The following IFT88 variants were observed in gnomAD, a reference collection of about 807,000 sequenced individuals.
IFT88 encodes the protein intraflagellar transport protein 88 homolog.
IFT88 carries 74 observed loss-of-function variants against 119.5 expected under a neutral mutation model. That is an observed-to-expected ratio of 0.62 (90% CI 0.51 to 0.75). The LOEUF is 0.75. Among genes scored for constraint, IFT88 ranks in the 30% least tolerant of loss-of-function variants. The probability of loss-of-function intolerance (pLI) is 0.00; values close to 1 mark genes in which losing one functional copy is unlikely to be tolerated. For synonymous variants in IFT88, 279 were observed against 316.7 expected, an observed-to-expected ratio of 0.88 and a Z score of 1.26; for missense variants, 961 against 977.7, an observed-to-expected ratio of 0.98 and a Z score of 0.23.
Position 20,665,186 on chromosome 13 carries a change from A to G in IFT88, c.2175+1582A>G, listed in dbSNP as rs909132619. Among the ~76,000 whole-genome samples the G allele has an allele frequency of 2.6e-5, 4 of 152,358 alleles. No individual in the cohort carries two copies. The East Asian group carries it at 7.7e-4, about 29-fold the overall frequency. On this transcript the variant is annotated intron_variant, in intron 23 of 25. Transcript: ENST00000351808. ...CTAAATTTTCAGACTATTCAAATAC[A>G]GAAATGCTGTTTCAATATTTGCCAG...
chr13:20,686,000 A>G (rs1209344629), intron 24 of IFT88, among the ~76,000 whole-genome samples: 1 of 152,188 alleles, frequency 6.6e-6, no homozygotes, highest in African/African-American at 2.4e-5. Flanking sequence ...GAATAAACCA[A>G]ATGTTCAACT....
intron 18 of IFT88, chr13:20,641,911 A>G (rs1463535174): frequency 6.5e-6 from 1 of 152,706 alleles, no homozygotes; most frequent in East Asian, 1.9e-4. Context: ...CATTCTGTTC[A>G]TTTAATAGTC....
At chr13:20,668,361 TTTC>T (rs1381270903) in intron 23 of IFT88, among the ~76,000 whole-genome samples, 2 of 123,408 alleles carry the variant, frequency 1.6e-5, no homozygotes, top group African/African-American at 5.0e-5. Context: ...ACAGTTGAGA[TTTC>T]TTTTTTTTTT....
rs2037469386 is a variant in IFT88 at position 20,576,798 on chromosome 13, T to C, written c.90+2323T>C. 2.0e-5 allele frequency among the ~76,000 whole-genome samples: 3 copies of C among 152,210 alleles called. No homozygotes were observed. In the South Asian group the frequency reaches 6.2e-4, roughly 31 times the overall value. On this transcript the variant is annotated intron_variant, in intron 2 of 25. Coordinates refer to ENST00000351808, the MANE Select transcript of IFT88 (RefSeq NM_006531.5). ...TAGTGTAATTTGAAGTCAGGTAATG[T>C]AATTCTTCAGTTTTGTTCTTTTTGC...
intron 22 of IFT88, among the ~76,000 whole-genome samples, chr13:20,662,057 G>A (rs1278509479): frequency 4.6e-5 from 7 of 152,272 alleles, no homozygotes; most frequent in South Asian, 2.1e-4. Context: ...GGATGATGTC[G>A]GGAGATGTAT....
At chr13:20,596,880 T>C in intron 8 of IFT88, 135 bp from the exon 9 acceptor site, 1 of 481,294 alleles carries the variant, frequency 2.1e-6, no homozygotes, top group East Asian at 3.3e-5. Context: ...AAGTTTCTGG[T>C]AAGAGCACAC....
At chr13:20,673,982 C>T (rs2056292641) in intron 24 of IFT88, among the ~76,000 whole-genome samples, 1 of 152,204 alleles carries the variant, frequency 6.6e-6, no homozygotes, top group Admixed American at 6.5e-5. Flanking sequence ...TTTGCCTTTT[C>T]GTTCCTTATT....
chr13:20,569,119 A>G (rs924921106), intron 1 of IFT88, among the ~76,000 whole-genome samples: 4 of 152,192 alleles, frequency 2.6e-5, no homozygotes, highest in Non-Finnish European at 5.9e-5. Context: ...GTAATGAGAA[A>G]TTAACTCAAA....
intron 1 of IFT88, chr13:20,567,549 G>T (rs1399822362): frequency 6.0e-6 from 1 of 167,852 alleles, no homozygotes; most frequent in Non-Finnish European, 1.2e-5. Flanking sequence ...CTGACCGCTT[G>T]GCGATGTCCC....
chr13:20,656,393 C>G lies in IFT88; in HGVS notation c.2031C>G (p.Tyr677Ter). The change falls in exon 22 of 26, where the codon TAC (tyrosine) becomes TAG (stop). Residue 677 changes from tyrosine to a stop codon, truncating the protein, a stop_gained. Coordinates refer to ENST00000351808, the MANE Select transcript of IFT88 (RefSeq NM_006531.5). LOFTEE classifies it high-confidence loss of function. ...ACTACCAAAAAGCATTAGATACTTACAAAGATACTCACAGAAAATTTCCAG... is the reference window on the plus strand; with the variant it reads ...ACTACCAAAAAGCATTAGATACTTAGAAAGATACTCACAGAAAATTTCCAG... ...SGNYQKALDT[Y>*]KDTHRKFPEN... 1.3e-6 allele frequency: 2 copies of G among 1,517,370 alleles called. No individual in the cohort carries two copies. The highest frequency in any genetic ancestry group is 1.8e-6 in the Non-Finnish European group (2 of 1,110,742). The allele number at this position is 1,517,370 out of a possible 1,614,324, so 94.0% of individuals were successfully genotyped here. A position where few individuals can be genotyped will look rare whatever the true frequency, so the allele number is the denominator to read the frequency against.
At chr13:20,594,494 C>T (rs2041296468) in intron 7 of IFT88, among the ~76,000 whole-genome samples, 1 of 152,154 alleles carries the variant, frequency 6.6e-6, no homozygotes, top group African/African-American at 2.4e-5. Flanking sequence ...GGGTGGCAGG[C>T]TCTGTGTGGG....
intron 3 of IFT88, among the ~76,000 whole-genome samples, chr13:20,585,018 T>A (rs973823046): frequency 2.0e-5 from 3 of 152,240 alleles, no homozygotes; most frequent in Non-Finnish European, 4.4e-5. Context: ...TTAGATGAAG[T>A]GTCCTTCTGC....
intron 1 of IFT88, among the ~76,000 whole-genome samples, chr13:20,573,008 T>A (rs1205647095): frequency 6.6e-6 from 1 of 152,120 alleles, no homozygotes; most frequent in East Asian, 1.9e-4. Context: ...CTGGTTTGTT[T>A]CTGATTTTTC....
intron 14 of IFT88, among the ~76,000 whole-genome samples, chr13:20,625,027 C>G (rs991560379): frequency 6.6e-6 from 1 of 151,670 alleles, no homozygotes; most frequent in Non-Finnish European, 1.5e-5. Context: ...TGTTCTTTGA[C>G]CAATGTCTTC....
chr13:20,592,471 A>G, intron 7 of IFT88, 67 bp downstream of exon 7: 3 of 1,322,246 alleles, frequency 2.3e-6, no homozygotes, highest in Non-Finnish European at 3.2e-6. Flanking sequence ...TTTTCCAAAT[A>G]CACAATTTTT....
intron 12 of IFT88, among the ~76,000 whole-genome samples, chr13:20,604,709 C>G (rs1182206333): frequency 1.3e-5 from 2 of 152,202 alleles, no homozygotes; most frequent in Admixed American, 1.3e-4. Flanking sequence ...AGTCCCAATA[C>G]TTTGAAAGGC....
chr13:20,625,715 AAATC>A, intron 14 of IFT88, 31 bp from the exon 15 acceptor site: 1 of 1,464,672 alleles, frequency 6.8e-7, no homozygotes, highest in Non-Finnish European at 9.4e-7. Context: ...TACTAAAACA[AAATC>A]AAGTAAGGTT....
rs748181737 is a variant in IFT88, at chr13:20,663,515, C to T, written c.2086C>T (p.Arg696Cys). The T allele has an allele frequency of 1.4e-5, 22 of 1,613,166 alleles. No homozygotes were observed. Among genetic ancestry groups the T allele is most frequent in the Admixed American group, 3.3e-5 (2 of 59,920 alleles). ...CAATTTAGGTCTGCGTTTCTTAGTT[C>T]GTCTCTGCACAGATCTTGGATTAAA... ...ENVECLRFLV[R>C]LCTDLGLKDA... The change falls in exon 23 of 26, where the codon CGT becomes TGT. Residue 696 changes from arginine to cysteine, a missense_variant. Arg to Cys is a radical substitution (Grantham distance 180). Coordinates refer to ENST00000351808, the MANE Select transcript of IFT88 (RefSeq NM_006531.5).
intron 14 of IFT88, among the ~76,000 whole-genome samples, chr13:20,620,390 G>A (rs538340500): frequency 3.9e-5 from 6 of 152,056 alleles, no homozygotes; most frequent in South Asian, 2.1e-4. Context: ...TACTCTTGTC[G>A]TCAAACCACA....
Sources: gnomAD v4.1 joint callset for allele counts (sites outside exome capture counted in the v4.1 genomes callset) on GRCh38, gnomAD v4.1.1 for gene constraint, MANE v1.5 for transcripts, NCBI Gene and HGNC (gene_info 2026-07-23, HGNC 2026-07-21) for gene names.